Variants in ANPEP observed in about 807,000 individuals in gnomAD.
ANPEP encodes the protein alanyl aminopeptidase, membrane.
In ANPEP, 70 loss-of-function variants were observed where a neutral mutation model predicts 114.6. The observed-to-expected ratio is 0.61, with a 90% confidence interval of 0.50 to 0.75. ANPEP has a LOEUF of 0.75. ANPEP is among the 30% of genes least tolerant of loss of function. The pLI is 0.00. For missense variants in ANPEP, 1,184 were observed against 1,259.5 expected (o/e 0.94, Z 0.91); for synonymous variants, 548 against 522.3 (o/e 1.05, Z -0.67).
intron 20 of ANPEP, among the ~76,000 whole-genome samples, chr15:89,788,826 C>T (rs914836766): frequency 2.0e-5 from 3 of 151,208 alleles, no homozygotes; most frequent in Non-Finnish European, 4.4e-5. Context: ...TATGATATTG[C>T]CCAGGCTGGT....
In ANPEP at chr15:89,813,994, G is replaced by GGGC. The variant is rs1555442948; in HGVS notation, c.-224+777_-224+778insGCC. ...CCGTCCCTGCCCACCGCACTGCTGGGGGGGGGGGGTGCGTTCTGGAGTCAT... is the reference window on the plus strand; with the variant it reads ...CCGTCCCTGCCCACCGCACTGCTGGGGGCGGGGGGGGGTGCGTTCTGGAGTCAT... On this transcript the variant is annotated intron_variant, in intron 1 of 20. Coordinates refer to ENST00000300060, the MANE Select transcript of ANPEP (RefSeq NM_001150.3). Among the ~76,000 whole-genome samples, 14 of 146,100 alleles carry GGGC rather than the reference G, an allele frequency of 9.6e-5. 2 individuals carry two copies. Among genetic ancestry groups the GGGC allele is most frequent in the African/African-American group, 3.2e-4 (13 of 40,386 alleles).
rs367563839 is a variant in ANPEP at position 89,791,597 on chromosome 15, C to CTTTT, written c.2529-505_2529-504insAAAA. On this transcript the variant is annotated intron_variant, in intron 18 of 20. Coordinates refer to ENST00000300060, the MANE Select transcript of ANPEP (RefSeq NM_001150.3). ...GGATTACAGGCATGTGCCACCATGCCTATTTTTTTTTTTTTTTTGTATTTT... is the reference window on the plus strand; with the variant it reads ...GGATTACAGGCATGTGCCACCATGCCTTTTTATTTTTTTTTTTTTTTTGTATTTT... Among the ~76,000 whole-genome samples the CTTTT allele has an allele frequency of 1.2e-3, 144 of 121,152 alleles. 2 individuals carry two copies. The highest frequency in any genetic ancestry group is 5.0e-3 in the African/African-American group (134 of 26,934). The allele number at this position is 121,152 out of a possible 152,430, so 79.5% of individuals were successfully genotyped here. A position where few individuals can be genotyped will look rare whatever the true frequency, so the allele number is the denominator to read the frequency against.
chr15:89,786,354 C>G (rs187470959), intron 20 of ANPEP, among the ~76,000 whole-genome samples: 2 of 143,746 alleles, frequency 1.4e-5, no homozygotes, highest in Non-Finnish European at 3.0e-5. Context: ...CCATATTGCT[C>G]TAGAGATTCA....
At chr15:89,809,750 A>G (rs1291678256) in intron 1 of ANPEP, among the ~76,000 whole-genome samples, 3 of 152,238 alleles carry the variant, frequency 2.0e-5, no homozygotes, top group South Asian at 4.1e-4. Context: ...GGACTCTCCC[A>G]TTCAAACCTG....
Position 89,803,885 on chromosome 15 carries a change from T to A in ANPEP, c.1293+4A>T. ...CGCACCAGACCCCTGGGCAGCTGGC[T>A]TACCAAGTTCCAGGTGGGCTCCGCA... On this transcript the variant is annotated splice_donor_region_variant and intron_variant, in intron 7 of 20. Transcript: ENST00000300060. This position sits in a 1 kb window ranked among gnomAD's most constrained non-coding sequence, Gnocchi z 4.2. 6.2e-7 allele frequency: 1 copy of A among 1,614,154 alleles called. No individual in the cohort carries two copies. The highest frequency in any genetic ancestry group is 1.6e-4 in the Middle Eastern group (1 of 6,062).
chr15:89,791,394 G>A (rs187572221), intron 18 of ANPEP, among the ~76,000 whole-genome samples: 238 of 151,918 alleles, frequency 1.6e-3, no homozygotes, highest in Non-Finnish European at 2.7e-3. Flanking sequence ...GGTCACTCCC[G>A]TCTTTGACAC....
chr15:89,808,152 C>A (rs372119555), intron 1 of ANPEP, among the ~76,000 whole-genome samples: 1 of 152,220 alleles, frequency 6.6e-6, no homozygotes, highest in African/African-American at 2.4e-5. Flanking sequence ...CCTCTTCCCC[C>A]CTGTTGCAGT....
Position 89,790,478 on chromosome 15 carries a change from G to A in ANPEP, c.2733C>T (p.Thr911=). The part of the protein sequence containing the change: ...LIQAVTRRFS[T]EYELQQLEQF... Reference sequence around the variant, plus strand: ...TTCTTACCTGCTGCAGCTCATACTCGGTGGAGAATCGTCGTGTCACTGCCT... The same window carrying A: ...TTCTTACCTGCTGCAGCTCATACTCAGTGGAGAATCGTCGTGTCACTGCCT... The change falls in exon 20 of 21, where the codon ACC becomes ACT. Residue 911 remains threonine, a synonymous_variant. Coordinates refer to ENST00000300060, the MANE Select transcript of ANPEP (RefSeq NM_001150.3). The A allele has an allele frequency of 1.9e-6, 3 of 1,613,854 alleles. No individual in the cohort carries two copies. The highest frequency in any genetic ancestry group is 1.1e-5 in the South Asian group (1 of 91,058).
intron 12 of ANPEP, 70 bp downstream of exon 12, chr15:89,801,041 C>G (rs1399280598): frequency 7.2e-7 from 1 of 1,383,830 alleles, no homozygotes; most frequent in African/African-American, 1.4e-5. Flanking sequence ...CCATCACAGC[C>G]CTCAGAACAT....
intron 10 of ANPEP, 84 bp from the exon 11 acceptor site, chr15:89,801,691 C>T (rs940072474): frequency 1.5e-5 from 23 of 1,503,322 alleles, no homozygotes; most frequent in East Asian, 9.4e-5. Context: ...ATTCTCGCCT[C>T]GACCCCGGGG....
chr15:89,810,293 C>T (rs1247754247), intron 1 of ANPEP, among the ~76,000 whole-genome samples: 6 of 152,194 alleles, frequency 3.9e-5, no homozygotes, highest in Middle Eastern at 3.4e-3. Context: ...GCAGGAGAAT[C>T]GCTTGAACTC....
intron 20 of ANPEP, among the ~76,000 whole-genome samples, chr15:89,788,869 G>A (rs554567911): frequency 7.2e-5 from 11 of 151,760 alleles, no homozygotes; most frequent in Admixed American, 2.6e-4. Flanking sequence ...ATCCTCCTGC[G>A]TTGGCCTCCC....
intron 1 of ANPEP, among the ~76,000 whole-genome samples, chr15:89,811,649 TAAAAAAAA>T (rs754725578): frequency 3.0e-5 from 3 of 100,536 alleles, no homozygotes; most frequent in Admixed American, 1.0e-4. Flanking sequence ...CCATCTCAAG[TAAAAAAAA>T]AAAAAAAAAG....
Position 89,787,040 on chromosome 15 carries a change from C to CTTT in ANPEP, c.2752-1542_2752-1540dup, listed in dbSNP as rs1015822999. On this transcript the variant is annotated intron_variant, in intron 20 of 20. Coordinates refer to ENST00000300060, the MANE Select transcript of ANPEP (RefSeq NM_001150.3). ...GTTTGAGTGAAAACATAATAAAACT[C>CTTT]TTTTTTTTTTTTTTTTTTTTTTTGA... 1.6e-3 allele frequency among the ~76,000 whole-genome samples: 145 copies of CTTT among 91,036 alleles called. No individual in the cohort carries two copies. The East Asian group carries it at 0.018, about 11-fold the overall frequency. 59.7% of individuals were successfully genotyped at this position (91,036 alleles called of 152,430 possible).
Position 89,803,936 on chromosome 15 carries a change from A to G in ANPEP, c.1246T>C (p.Tyr416His). 1 of 1,614,174 alleles carries G rather than the reference A, an allele frequency of 6.2e-7. No individual in the cohort carries two copies. Residue 416 changes from tyrosine (Y) to histidine (H), a missense_variant, in exon 7 of 21, where the codon TAC (tyrosine) becomes CAC (histidine). Transcript: ENST00000300060. This position sits in a 1 kb window ranked among gnomAD's most constrained non-coding sequence, Gnocchi z 4.2. ...DLWLNEGFAS[Y>H]VEYLGADYAE... is the part of the protein sequence containing the mutation. The stretch of plus-strand genomic sequence containing the variant: ...TAGTCAGCACCCAGGTACTCCACGT[A>G]GGAGGCGAAGCCCTCGTTCAGCCAC...
chr15:89,808,486 T>C (rs1426344492), intron 1 of ANPEP, among the ~76,000 whole-genome samples: 1 of 152,228 alleles, frequency 6.6e-6, no homozygotes, highest in Admixed American at 6.5e-5. Flanking sequence ...AGGTCCTCAT[T>C]ACTGAGATGT....
At chr15:89,811,088 G>A (rs1292276257) in intron 1 of ANPEP, among the ~76,000 whole-genome samples, 1 of 152,212 alleles carries the variant, frequency 6.6e-6, no homozygotes, top group Admixed American at 6.5e-5. Flanking sequence ...CGTGCTTGTG[G>A]AATGGGGCAT....
chr15:89,793,004 G>A (rs1406387517), intron 16 of ANPEP, 31 bp downstream of exon 16: 1 of 1,587,544 alleles, frequency 6.3e-7, no homozygotes, highest in Non-Finnish European at 8.6e-7. Context: ...GGGTGCCCAG[G>A]ACTTCCAAAC....
At chr15:89,790,388 G>C (rs900450297) in intron 20 of ANPEP, 72 bp downstream of exon 20, 3 of 1,439,696 alleles carry the variant, frequency 2.1e-6, no homozygotes, top group Non-Finnish European at 2.9e-6. Flanking sequence ...GGCCACGTGG[G>C]AGAAGAATGG....
Sources: allele counts gnomAD v4.1 joint callset (sites outside exome capture counted in the v4.1 genomes callset), GRCh38; gene constraint gnomAD v4.1.1; non-coding constraint Gnocchi (gnomAD v3.1); transcripts MANE v1.5; gene names NCBI Gene and HGNC (gene_info 2026-07-23, HGNC 2026-07-21).